SPATA4: variants seen among roughly 807,000 people sequenced by gnomAD.
SPATA4 encodes spermatogenesis-associated protein 4.
In SPATA4, 35 loss-of-function variants were observed where a neutral mutation model predicts 31.8. That is an observed-to-expected ratio of 1.10 (90% confidence interval 0.84 to 1.46). The LOEUF is 1.46. Among genes scored for constraint, SPATA4 ranks in the 40% most tolerant of loss-of-function variants. The pLI is 0.00. For missense variants in SPATA4, 394 were observed against 363.1 expected (o/e 1.09, Z -0.69); for synonymous variants, 126 against 132.4 (o/e 0.95, Z 0.33).
chr4:176,192,279 C>T (rs77817074), intron 4 of SPATA4, among the ~76,000 whole-genome samples: 2,370 of 152,274 alleles, frequency 0.016, 71 homozygotes, highest in African/African-American at 0.054. Flanking sequence ...CATAGTAATC[C>T]AGGCTTTTCC....
intron 5 of SPATA4, among the ~76,000 whole-genome samples, chr4:176,185,237 G>A (rs183375789): frequency 3.3e-4 from 50 of 152,156 alleles, no homozygotes; most frequent in Middle Eastern, 6.8e-3. Context: ...TTTGACAAAC[G>A]TCCATGATTC....
At chr4:176,191,261 A>G (rs922840634) in intron 4 of SPATA4, among the ~76,000 whole-genome samples, 38 of 152,028 alleles carry the variant, frequency 2.5e-4, no homozygotes, top group African/African-American at 8.5e-4. Context: ...ATGCCCAGCT[A>G]ATTTTTGTGT....
chr4:176,192,160 T>C (rs1385537420), intron 4 of SPATA4, among the ~76,000 whole-genome samples: 1 of 152,182 alleles, frequency 6.6e-6, no homozygotes, highest in Non-Finnish European at 1.5e-5. Flanking sequence ...CAGTGATACG[T>C]CTGGAAAGTT....
chr4:176,192,897 G>C (rs747796084), intron 3 of SPATA4, 50 bp from the exon 4 acceptor site: 4 of 1,586,274 alleles, frequency 2.5e-6, no homozygotes, highest in Non-Finnish European at 3.4e-6. Context: ...TTAGCAATGA[G>C]TTTTATATTA....
intron 5 of SPATA4, among the ~76,000 whole-genome samples, chr4:176,186,942 TAGC>T (rs1752453590): frequency 1.3e-5 from 2 of 152,182 alleles, no homozygotes; most frequent in South Asian, 4.1e-4. Flanking sequence ...ACATAATCTG[TAGC>T]AGAAGTCCAC....
chr4:176,190,927 C>T (rs1480159434), intron 4 of SPATA4, among the ~76,000 whole-genome samples: 1 of 151,974 alleles, frequency 6.6e-6, no homozygotes, highest in African/African-American at 2.4e-5. Context: ...ATCATATTCA[C>T]AGGTTTCAGG....
chr4:176,194,600 A>G (rs1752584367), intron 1 of SPATA4: 1 of 152,172 alleles, frequency 6.6e-6, no homozygotes, highest in South Asian at 2.1e-4. Flanking sequence ...GCATTCCCAG[A>G]GCAAATATTA....
chr4:176,193,637 ATTATT>A, intron 1 of SPATA4, 55 bp from the exon 2 acceptor site: 1 of 1,476,894 alleles, frequency 6.8e-7, no homozygotes, highest in Non-Finnish European at 9.0e-7. Flanking sequence ...TGCAGTTTGT[ATTATT>A]TTATAATTAA....
In SPATA4 at chr4:176,184,886, A is replaced by G. The variant is rs775851890; in HGVS notation, c.812T>C (p.Ile271Thr). 3.8e-5 allele frequency: 60 copies of G among 1,577,678 alleles called. No homozygotes were observed. In the Admixed American group the frequency reaches 1.0e-3, roughly 27 times the overall value. The change falls in exon 6 of 6, where the codon ATA becomes ACA. Residue 271 changes from isoleucine to threonine, a missense_variant. Transcript: ENST00000280191. ...TCTATGTGAACTGCCACCACTACCT[A>G]TATTTGCTGGGACATTTAAATAAGC... ...RGRVVPVLPN[I>T]GSGGSSHREI...
chr4:176,192,276 A>C (rs955940553), intron 4 of SPATA4, among the ~76,000 whole-genome samples: 1 of 152,216 alleles, frequency 6.6e-6, no homozygotes, highest in Non-Finnish European at 1.5e-5. Flanking sequence ...AATCATAGTA[A>C]TCCAGGCTTT....
chr4:176,186,231 G>T (rs759592596), intron 5 of SPATA4, among the ~76,000 whole-genome samples: 1 of 152,176 alleles, frequency 6.6e-6, no homozygotes, highest in South Asian at 2.1e-4. Context: ...GAAGGAAGCC[G>T]TGCTGTGACT....
At chr4:176,186,247 C>T (rs1752439386) in intron 5 of SPATA4, among the ~76,000 whole-genome samples, 1 of 152,214 alleles carries the variant, frequency 6.6e-6, no homozygotes, top group Non-Finnish European at 1.5e-5. Flanking sequence ...TGACTCATTA[C>T]TACTCTTTTC....
In SPATA4 at chr4:176,195,583, G is replaced by C; in HGVS notation, c.-21C>G. ...GCCATGACGCTTTCTGGGTTGCTGC[G>C]GCAACAGCAGAAGGCGGGGCTGGGC... On this transcript the variant is annotated 5_prime_UTR_variant, in exon 1 of 6. Coordinates refer to ENST00000280191, the MANE Select transcript of SPATA4 (RefSeq NM_144644.4). 6.2e-7 allele frequency: 1 copy of C among 1,610,710 alleles called. No homozygotes were observed. Among genetic ancestry groups the C allele is most frequent in the South Asian group, 1.1e-5 (1 of 90,964 alleles).
chr4:176,190,108 C>T (rs1000136954), intron 4 of SPATA4, among the ~76,000 whole-genome samples: 10 of 152,148 alleles, frequency 6.6e-5, no homozygotes, highest in Admixed American at 5.2e-4. Context: ...CTATAGATAA[C>T]ACAACCGATT....
chr4:176,185,588 G>A (rs1752428301), intron 5 of SPATA4, among the ~76,000 whole-genome samples: 1 of 152,084 alleles, frequency 6.6e-6, no homozygotes, highest in Non-Finnish European at 1.5e-5. Context: ...TAGTGTTTTT[G>A]CTTCTCCTCC....
In SPATA4 at chr4:176,188,358, G is replaced by T. The variant is rs180769287; in HGVS notation, c.689-123C>A. 151 of 633,320 alleles carry T rather than the reference G, an allele frequency of 2.4e-4. 2 individuals carry two copies. In the African/African-American group the frequency reaches 2.5e-3, roughly 11 times the overall value. The allele number at this position is 633,320 out of a possible 1,614,324, so 39.2% of individuals were successfully genotyped here. A position where few individuals can be genotyped will look rare whatever the true frequency, so the allele number is the denominator to read the frequency against. The stretch of plus-strand genomic sequence containing the variant: ...TTTCTGTTTATCATATTCCTGAGTA[G>T]TGTGAATACCTAGGTTAATAGTCCC... On this transcript the variant is annotated intron_variant, in intron 4 of 5. Transcript: ENST00000280191.
In SPATA4 at chr4:176,195,498, G is replaced by T; in HGVS notation, c.65C>A (p.Pro22Gln). The change falls in exon 1 of 6, where the codon CCG becomes CAG. Residue 22 changes from proline (P) to glutamine (Q), a missense_variant. Pro to Gln is a moderately conservative substitution (Grantham distance 76, BLOSUM62 -1). Transcript: ENST00000280191. The stretch of plus-strand genomic sequence containing the variant: ...AGCTGCTAGCTGTGGCGAAAGTGAC[G>T]GTGACTTGTCTAGGGCTGCCGCAGT... ...TQTAAALDKSPSLSPQLAAPI... is the reference protein window; with the variant it reads ...TQTAAALDKSQSLSPQLAAPI... 1.2e-6 allele frequency: 2 copies of T among 1,614,246 alleles called. No individual in the cohort carries two copies. The highest frequency in any genetic ancestry group is 1.7e-6 in the Non-Finnish European group (2 of 1,180,044).
rs1319960587 is a variant in SPATA4, at chr4:176,193,093, A to G, written c.349-17T>C. The G allele has an allele frequency of 1.4e-6, 2 of 1,447,940 alleles. No homozygotes were observed. Among genetic ancestry groups the G allele is most frequent in the South Asian group, 2.5e-5 (2 of 80,970 alleles). The allele number at this position is 1,447,940 out of a possible 1,614,324, so 89.7% of individuals were successfully genotyped here. The stretch of plus-strand genomic sequence containing the variant: ...TGCCAGGAACTTTAATAGTAGAAAG[A>G]AAATGTTTTTATCATAAGAACTTTT... On this transcript the variant is annotated splice_polypyrimidine_tract_variant and intron_variant, in intron 2 of 5. Transcript: ENST00000280191.
At chr4:176,185,001 G>A in intron 5 of SPATA4, 109 bp from the exon 6 acceptor site, 2 of 546,596 alleles carry the variant, frequency 3.7e-6, no homozygotes, top group Non-Finnish European at 6.4e-6. Context: ...TTGGCAAGAG[G>A]TCAAGCACAG....
Sources: allele counts gnomAD v4.1 joint callset (sites outside exome capture counted in the v4.1 genomes callset), GRCh38; gene constraint gnomAD v4.1.1; transcripts MANE v1.5; gene names NCBI Gene and HGNC (gene_info 2026-07-23, HGNC 2026-07-21).